Variants in SYNE1 observed in about 807,000 individuals in gnomAD.
SYNE1 encodes the protein spectrin repeat containing nuclear envelope protein 1.
In SYNE1, 616 loss-of-function variants were observed where a neutral mutation model predicts 1,111.0. The observed-to-expected ratio is 0.55, with a 90% CI of 0.52 to 0.59. SYNE1 has a LOEUF of 0.59. SYNE1 is among the 20% of genes least tolerant of loss of function. The pLI is 0.00. For missense variants in SYNE1, 10,006 were observed against 10,417.0 expected (o/e 0.96, Z 1.72); for synonymous variants, 3,855 against 3,825.8 (o/e 1.01, Z -0.28).
chr6:152,510,429 C>A, intron 7 of SYNE1, 58 bp from the exon 8 acceptor site: 1 of 1,573,674 alleles, frequency 6.4e-7, no homozygotes. Flanking sequence ...ATTATTTCCT[C>A]AGATGTTTTA....
At chr6:152,578,093 G>T (rs1273986778) in intron 3 of SYNE1, among the ~76,000 whole-genome samples, 1 of 152,044 alleles carries the variant, frequency 6.6e-6, no homozygotes, top group East Asian at 1.9e-4. Flanking sequence ...ACAATAGGCA[G>T]TGAAACAATT....
chr6:152,513,748 T>C (rs1051719665), intron 6 of SYNE1, among the ~76,000 whole-genome samples: 1 of 151,910 alleles, frequency 6.6e-6, no homozygotes, highest in African/African-American at 2.4e-5. Flanking sequence ...AGGGCTAATA[T>C]CCAGAATCTA....
intron 3 of SYNE1, among the ~76,000 whole-genome samples, chr6:152,564,651 C>A (rs1204455557): frequency 6.6e-6 from 1 of 151,992 alleles, no homozygotes; most frequent in African/African-American, 2.4e-5. Flanking sequence ...TTTGTTAACC[C>A]CCAAAAGTTT....
chr6:152,400,786 T>C (rs2097801589), intron 47 of SYNE1, among the ~76,000 whole-genome samples: 1 of 152,204 alleles, frequency 6.6e-6, no homozygotes. Context: ...AATTAAGTGA[T>C]GAAAAACTAT....
chr6:152,487,578 A>C (rs2098947553), intron 12 of SYNE1, among the ~76,000 whole-genome samples: 1 of 152,244 alleles, frequency 6.6e-6, no homozygotes, highest in Non-Finnish European at 1.5e-5. Flanking sequence ...CTGTAGTCAG[A>C]CTGGAGAAAA....
At chr6:152,343,213 C>T (rs1226066542) in intron 74 of SYNE1, among the ~76,000 whole-genome samples, 2 of 149,690 alleles carry the variant, frequency 1.3e-5, no homozygotes, top group Admixed American at 6.6e-5. Context: ...AGTGCAGTGG[C>T]GCAATCTTGG....
chr6:152,459,301 A>T (rs1004866450), intron 21 of SYNE1, among the ~76,000 whole-genome samples: 1 of 152,162 alleles, frequency 6.6e-6, no homozygotes, highest in East Asian at 1.9e-4. Flanking sequence ...TAAGACAGTC[A>T]TGAATTATTA....
At position 152,310,759 on chromosome 6, in the gene SYNE1, G is replaced by C. The variant is rs781068650; in HGVS notation, c.16825C>G (p.Leu5609Val). ...CGCAACTCCTCAGTCTCCCGTCCCA[G>C]TTCTGCCACTTGCTGAGACATTTTT... is the stretch of plus-strand genomic sequence containing the variant. ...TEKMSQQVAE[L>V]GRETEELRQM... The change falls in exon 88 of 146, where the codon CTG (leucine) becomes GTG (valine). Residue 5609 changes from leucine (L) to valine (V), a missense_variant. Around this residue, in one of 7 missense-constraint regions of SYNE1, gnomAD observed 4,955 missense variants for 5,017.2 expected, o/e 0.99. Coordinates refer to ENST00000367255, the MANE Select transcript of SYNE1 (RefSeq NM_182961.4). The C allele has an allele frequency of 4.3e-6, 7 of 1,613,888 alleles. No homozygotes were observed. Among genetic ancestry groups the C allele is most frequent in the African/African-American group, 2.7e-5 (2 of 74,930 alleles).
At chr6:152,542,874 T>C (rs1445333407) in intron 3 of SYNE1, among the ~76,000 whole-genome samples, 1 of 152,120 alleles carries the variant, frequency 6.6e-6, no homozygotes, top group African/African-American at 2.4e-5. Flanking sequence ...TAAAATCCAA[T>C]TCAAAATCTA....
chr6:152,136,499 A>G, intron 141 of SYNE1, 119 bp downstream of exon 141: 1 of 1,237,162 alleles, frequency 8.1e-7, no homozygotes, highest in Non-Finnish European at 1.1e-6. Context: ...TATCTCACTG[A>G]AATACTGACT....
chr6:152,469,844 T>C (rs1015754101), intron 16 of SYNE1, among the ~76,000 whole-genome samples: 4 of 152,130 alleles, frequency 2.6e-5, no homozygotes, highest in African/African-American at 9.7e-5. Context: ...ACTGGCTCCT[T>C]GGTATCTAAA....
chr6:152,551,828 C>A (rs1398569705), intron 3 of SYNE1, among the ~76,000 whole-genome samples: 1 of 152,086 alleles, frequency 6.6e-6, no homozygotes, highest in Non-Finnish European at 1.5e-5. Flanking sequence ...AAGGTTATTT[C>A]CAATCAGAGA....
chr6:152,220,211 GAA>G (rs1357993273), intron 119 of SYNE1, among the ~76,000 whole-genome samples: 1 of 152,046 alleles, frequency 6.6e-6, no homozygotes, highest in Non-Finnish European at 1.5e-5. Context: ...AACTGATTTG[GAA>G]AAGTTTATAA....
At chr6:152,417,872 AT>A (rs2098187844) in intron 40 of SYNE1, among the ~76,000 whole-genome samples, 1 of 152,186 alleles carries the variant, frequency 6.6e-6, no homozygotes, top group Non-Finnish European at 1.5e-5. Context: ...AACAATTTCT[AT>A]CCACAAAATC....
At chr6:152,178,791 CA>C (rs1362693595) in intron 129 of SYNE1, among the ~76,000 whole-genome samples, 1 of 150,238 alleles carries the variant, frequency 6.7e-6, no homozygotes, top group East Asian at 2.0e-4. Context: ...TAAGTAAATA[CA>C]AAAAATACAT....
intron 2 of SYNE1, among the ~76,000 whole-genome samples, chr6:152,634,189 A>G (rs1376003046): frequency 3.9e-5 from 6 of 152,262 alleles, no homozygotes. Flanking sequence ...AGGTATTAGG[A>G]AACTACTGCA....
chr6:152,281,701 G>T, intron 97 of SYNE1, 106 bp downstream of exon 97: 1 of 1,204,626 alleles, frequency 8.3e-7, no homozygotes. Context: ...TCTATGGGTT[G>T]GGAAAAATCA....
rs1247782248 is a variant in SYNE1, at chr6:152,456,752, G to T, written c.2569-708C>A. ...AAATCATTGAGCCCAGCACAAGGCA[G>T]AGGGTCATTTTTTGGCTTGAATTAC... On this transcript the variant is annotated intron_variant, in intron 22 of 145. Coordinates refer to ENST00000367255, the MANE Select transcript of SYNE1 (RefSeq NM_182961.4). 17 of 449,168 alleles carry T rather than the reference G, an allele frequency of 3.8e-5. No homozygotes were observed. In the Admixed American group the frequency reaches 4.2e-4, roughly 11 times the overall value. The allele number at this position is 449,168 out of a possible 1,614,324, so 27.8% of individuals were successfully genotyped here.
At chr6:152,429,500 T>C (rs1277858847) in intron 36 of SYNE1, among the ~76,000 whole-genome samples, 1 of 152,228 alleles carries the variant, frequency 6.6e-6, no homozygotes, top group African/African-American at 2.4e-5. Flanking sequence ...GCTTGTTTTC[T>C]ATTACATACA....
Sources: allele counts gnomAD v4.1 joint callset (sites outside exome capture counted in the v4.1 genomes callset), GRCh38; gene constraint gnomAD v4.1.1; regional missense constraint gnomAD v4.1.1; transcripts MANE v1.5; gene names NCBI Gene and HGNC (gene_info 2026-07-23, HGNC 2026-07-21).